IRAK1BP1: variants seen among roughly 807,000 people sequenced by gnomAD.
IRAK1BP1 encodes interleukin-1 receptor-associated kinase 1-binding protein 1.
In IRAK1BP1, 24 loss-of-function variants were observed where a neutral mutation model predicts 28.0. That is an observed-to-expected ratio of 0.86 (90% CI 0.62 to 1.20). IRAK1BP1 has a LOEUF of 1.20. IRAK1BP1 is among the 50% of genes most tolerant of loss of function. IRAK1BP1 has a pLI of 0.00. For missense variants in IRAK1BP1, 336 were observed against 316.7 expected (o/e 1.06, Z -0.46); for synonymous variants, 131 against 116.3 (o/e 1.13, Z -0.81).
chr6:78,924,017 A>G (rs941919720), intron 4 of IRAK1BP1, among the ~76,000 whole-genome samples: 3 of 152,210 alleles, frequency 2.0e-5, no homozygotes, highest in African/African-American at 4.8e-5. Context: ...AACTAGAGAA[A>G]CAAGAGCAAA....
intron 4 of IRAK1BP1, chr6:78,940,603 C>T (rs1347627755): frequency 3.0e-6 from 1 of 337,452 alleles, no homozygotes; most frequent in East Asian, 6.6e-5. Flanking sequence ...CCTACTCCAC[C>T]ACAGCAGCAA....
chr6:78,963,913 C>T, the IRAK1BP1 span, among the ~76,000 whole-genome samples: 3 of 152,042 alleles, frequency 2.0e-5, no homozygotes, highest in South Asian at 2.1e-4. Flanking sequence ...TCACAAACTA[C>T]GATTAAACTC....
the IRAK1BP1 span, among the ~76,000 whole-genome samples, chr6:78,968,789 C>A: frequency 6.6e-6 from 1 of 152,082 alleles, no homozygotes. Flanking sequence ...ACAATTAAAT[C>A]TTCCCACAAT....
chr6:78,974,523 G>C, the IRAK1BP1 span, among the ~76,000 whole-genome samples: 1 of 151,296 alleles, frequency 6.6e-6, no homozygotes, highest in African/African-American at 2.4e-5. Flanking sequence ...AAATAACTAA[G>C]ATCAGAGCAG....
rs1245681342 is a variant in IRAK1BP1, at chr6:78,934,369, G to C, written c.*68-11039G>C. ...AATGGTACTGACAGCCTTGCTGGAT[G>C]CATGGTTACCAGTTATCTGCAAAGT... On this transcript the variant is annotated intron_variant and NMD_transcript_variant, in intron 4 of 4. Transcript: ENST00000606868. Among the ~76,000 whole-genome samples, 4 of 152,340 alleles carry C rather than the reference G, an allele frequency of 2.6e-5. No homozygotes were observed. The East Asian group carries it at 7.7e-4, about 29-fold the overall frequency.
chr6:78,930,194 C>T (rs1179178409), intron 4 of IRAK1BP1, among the ~76,000 whole-genome samples: 1 of 152,122 alleles, frequency 6.6e-6, no homozygotes, highest in Admixed American at 6.5e-5. Context: ...GCTGAGATTA[C>T]AGTTGTGCAC....
At chr6:78,941,878 A>G (rs757647616) in intron 4 of IRAK1BP1, among the ~76,000 whole-genome samples, 28 of 152,178 alleles carry the variant, frequency 1.8e-4, no homozygotes, top group Non-Finnish European at 3.1e-4. Flanking sequence ...ATAAAAGGCC[A>G]TTATGCTTCA....
At chr6:78,929,943 T>A (rs1212632183) in intron 4 of IRAK1BP1, among the ~76,000 whole-genome samples, 1 of 151,572 alleles carries the variant, frequency 6.6e-6, no homozygotes, top group Non-Finnish European at 1.5e-5. Flanking sequence ...TTTTTTTTTG[T>A]TTTCGTTTTT....
chr6:78,874,644 A>G (rs1023601807), intron 1 of IRAK1BP1, among the ~76,000 whole-genome samples: 1 of 152,234 alleles, frequency 6.6e-6, no homozygotes, highest in African/African-American at 2.4e-5. Flanking sequence ...AATTATAGTC[A>G]GAAATTCCAG....
intron 4 of IRAK1BP1, among the ~76,000 whole-genome samples, chr6:78,943,048 C>G (rs1773582861): frequency 6.6e-6 from 1 of 151,954 alleles, no homozygotes; most frequent in African/African-American, 2.4e-5. Flanking sequence ...AATTTAAATA[C>G]CAAAGCAGTA....
intron 2 of IRAK1BP1, among the ~76,000 whole-genome samples, chr6:78,887,148 T>A (rs531896553): frequency 6.6e-5 from 10 of 152,306 alleles, no homozygotes; most frequent in African/African-American, 2.4e-4. Context: ...ATATATGGAA[T>A]GAGATTAGAT....
At chr6:78,973,426 C>G in the IRAK1BP1 span, among the ~76,000 whole-genome samples, 1 of 145,582 alleles carries the variant, frequency 6.9e-6, no homozygotes, top group Non-Finnish European at 1.5e-5. Flanking sequence ...CAAAATCATG[C>G]CAAAATGTAA....
chr6:78,872,972 C>G (rs1012605543), intron 1 of IRAK1BP1, among the ~76,000 whole-genome samples: 6 of 151,846 alleles, frequency 4.0e-5, no homozygotes, highest in African/African-American at 1.5e-4. Flanking sequence ...TATAAGTAAC[C>G]TGGCCAGGCA....
exon 5 of IRAK1BP1, chr6:78,946,394 T>C (rs891942486): frequency 1.4e-5 from 19 of 1,392,618 alleles, no homozygotes; most frequent in Non-Finnish European, 1.3e-5. Flanking sequence ...GTGGATTTCA[T>C]ATGATTGTGA....
the IRAK1BP1 span, chr6:78,955,417 T>A: frequency 1.5e-6 from 1 of 645,438 alleles, no homozygotes; most frequent in South Asian, 2.7e-5. Context: ...TATTGACTCA[T>A]TAAAAAGGTT....
At chr6:78,945,537 G>C in exon 5 of IRAK1BP1, 1 of 1,228,834 alleles carries the variant, frequency 8.1e-7, no homozygotes, top group African/African-American at 1.5e-5. Flanking sequence ...AAGAGTTATT[G>C]AACCTAAAGA....
downstream of IRAK1BP1, among the ~76,000 whole-genome samples, chr6:78,907,228 T>A (rs761266860): frequency 6.6e-6 from 1 of 152,240 alleles, no homozygotes; most frequent in Non-Finnish European, 1.5e-5. Flanking sequence ...TTCTAGTTAC[T>A]GTGTGAATCT....
At chr6:78,917,220 A>AAAT (rs1772583657) in intron 4 of IRAK1BP1, among the ~76,000 whole-genome samples, 1 of 152,116 alleles carries the variant, frequency 6.6e-6, no homozygotes. Flanking sequence ...AACATTTTAA[A>AAAT]AATAAGTCAA....
At chr6:78,977,742 T>C in the IRAK1BP1 span, among the ~76,000 whole-genome samples, 2 of 152,216 alleles carry the variant, frequency 1.3e-5, no homozygotes, top group African/African-American at 2.4e-5. Flanking sequence ...ATCACTGTAC[T>C]ATATCACAAC....
Sources: allele counts gnomAD v4.1 joint callset (sites outside exome capture counted in the v4.1 genomes callset), GRCh38; gene constraint gnomAD v4.1.1; transcripts MANE v1.5; gene names NCBI Gene and HGNC (gene_info 2026-07-23, HGNC 2026-07-21).